Variants in EDEM3 observed in about 807,000 individuals in gnomAD.
The protein encoded by EDEM3 is ER degradation-enhancing alpha-mannosidase-like protein 3.
Under a neutral mutation model 110.2 loss-of-function variants are expected in EDEM3, and 60 were observed. That is an observed-to-expected ratio of 0.54 (90% CI 0.44 to 0.67). EDEM3 has a LOEUF of 0.67. Ranked by LOEUF, EDEM3 falls within the 30% of genes least tolerant of loss-of-function variation. The pLI, the probability that EDEM3 is intolerant of heterozygous loss-of-function variation, is 0.00. For missense variants in EDEM3, 996 were observed against 1,121.0 expected (o/e 0.89, Z 1.59); for synonymous variants, 352 against 382.9 (o/e 0.92, Z 0.94).
intron 2 of EDEM3, among the ~76,000 whole-genome samples, chr1:184,738,343 G>A (rs1388327634): frequency 3.3e-5 from 5 of 152,176 alleles, no homozygotes; most frequent in Non-Finnish European, 7.4e-5. Flanking sequence ...CACACATCTA[G>A]TAAATGATCC....
chr1:184,754,500 T>A lies in EDEM3; in HGVS notation c.147A>T (p.Lys49Asn). The change falls in exon 1 of 20, where the codon AAA (lysine) becomes AAT (asparagine). Residue 49 changes from lysine to asparagine, a missense_variant. This residue lies in a region of EDEM3 where 200 missense variants were observed against 183.8 expected (regional missense o/e 1.09). Transcript: ENST00000318130. ...AGAEPMSREEKQKLGNQVLEM... is the reference protein window; with the variant it reads ...AGAEPMSREENQKLGNQVLEM... ...GCCAGCACCCTTACCCAAGCTTCTG[T>A]TTCTCCTCCCTACTCATGGGCTCGG... The A allele has an allele frequency of 2.5e-6, 4 of 1,612,466 alleles. No individual in the cohort carries two copies. Among genetic ancestry groups the A allele is most frequent in the Non-Finnish European group, 3.4e-6 (4 of 1,179,610 alleles).
intron 18 of EDEM3, among the ~76,000 whole-genome samples, chr1:184,704,393 G>A (rs1243591549): frequency 1.3e-5 from 2 of 151,930 alleles, no homozygotes; most frequent in Non-Finnish European, 2.9e-5. Context: ...GGTGGCTCAT[G>A]GCTGTAATCC....
chr1:184,735,297 G>T (rs1409309460), intron 4 of EDEM3, among the ~76,000 whole-genome samples: 1 of 152,166 alleles, frequency 6.6e-6, no homozygotes, highest in Non-Finnish European at 1.5e-5. Context: ...ATAAGATAAT[G>T]TATGTAAAAT....
chr1:184,704,649 CAA>C (rs58913815), intron 18 of EDEM3, among the ~76,000 whole-genome samples: 166 of 29,876 alleles, frequency 5.6e-3, no homozygotes, highest in African/African-American at 0.016. Context: ...GACTCTGTCT[CAA>C]AAAAAAAAAA....
In EDEM3 at chr1:184,692,806, G is replaced by GGT. The variant is rs1649122390; in HGVS notation, c.*1255_*1256dup. On this transcript the variant is annotated 3_prime_UTR_variant, in exon 20 of 20. Coordinates refer to ENST00000318130, the MANE Select transcript of EDEM3 (RefSeq NM_025191.4). Reference sequence around the variant, plus strand: ...ACAAACCAAAAAAAAAAAGGGGGGGGGTGGAAGTCTCATTAAGCTATATAG... The same window carrying GGT: ...ACAAACCAAAAAAAAAAAGGGGGGGGGTGTGGAAGTCTCATTAAGCTATATAG... 3 of 147,490 alleles carry GGT rather than the reference G, an allele frequency of 2.0e-5. No individual in the cohort carries two copies. Among genetic ancestry groups the GGT allele is most frequent in the African/African-American group, 7.4e-5 (3 of 40,544 alleles). The allele number at this position is 147,490 out of a possible 1,614,324, so 9.1% of individuals were successfully genotyped here.
At chr1:184,721,687 G>A (rs975456320) in intron 8 of EDEM3, among the ~76,000 whole-genome samples, 5 of 151,840 alleles carry the variant, frequency 3.3e-5, no homozygotes, top group African/African-American at 1.2e-4. Context: ...TAAAGATGAA[G>A]TCTCTTGTTT....
At chr1:184,735,690 C>T (rs917000432) in intron 4 of EDEM3, among the ~76,000 whole-genome samples, 2 of 152,040 alleles carry the variant, frequency 1.3e-5, no homozygotes, top group Non-Finnish European at 2.9e-5. Context: ...TAACATGAAA[C>T]CTGATTTTAA....
Position 184,694,390 on chromosome 1 carries a change from A to G in EDEM3, c.2472T>C (p.Ser824=). 6.2e-7 allele frequency: 1 copy of G among 1,612,402 alleles called. No individual in the cohort carries two copies. Among genetic ancestry groups the G allele is most frequent in the South Asian group, 1.1e-5 (1 of 91,040 alleles). ...NQSGEQISSS[S]QEVDLVDQES... ...CTTGATCAACCAAATCAACCTCCTG[A>G]GAACTTGATGAAATCTGTTCACCAC... is the stretch of plus-strand genomic sequence containing the variant. The change falls in exon 20 of 20, where the codon TCT becomes TCC. Residue 824 remains serine (S), a synonymous_variant. Transcript: ENST00000318130.
At chr1:184,712,190 T>A (rs1327100423) in intron 14 of EDEM3, among the ~76,000 whole-genome samples, 1 of 151,956 alleles carries the variant, frequency 6.6e-6, no homozygotes, top group African/African-American at 2.4e-5. Context: ...CCTCCCAGAG[T>A]GCTGGGACTA....
chr1:184,716,778 G>T, intron 13 of EDEM3, 110 bp downstream of exon 13: 1 of 1,441,966 alleles, frequency 6.9e-7, no homozygotes, highest in African/African-American at 1.4e-5. Context: ...AGGAACAAAG[G>T]TTTCTATCCT....
At chr1:184,712,005 T>G (rs894121522) in intron 14 of EDEM3, 128 bp from the exon 15 acceptor site, 2 of 666,572 alleles carry the variant, frequency 3.0e-6, no homozygotes, top group Non-Finnish European at 4.7e-6. Flanking sequence ...CTGCTCACTG[T>G]AAGCTCCATC....
At chr1:184,710,643 C>T in intron 15 of EDEM3, 96 bp from the exon 16 acceptor site, 2 of 1,425,944 alleles carry the variant, frequency 1.4e-6, no homozygotes, top group Admixed American at 2.4e-5. Flanking sequence ...TGCAAAATTG[C>T]TAGTTTTAGA....
At chr1:184,721,223 G>A (rs1650883042) in intron 9 of EDEM3, 66 bp downstream of exon 9, 2 of 1,200,866 alleles carry the variant, frequency 1.7e-6, no homozygotes, top group Admixed American at 4.4e-5. Context: ...TTCAGGTAAT[G>A]GAGTTTCTAT....
rs534407860 is a variant in EDEM3, at chr1:184,734,633, T to C, written c.356A>G (p.Lys119Arg). ...CACTGCATCTTCAAATTCTTTAGTT[T>C]TATTTAAAACCTGGGAGAAGAAAAT... The part of the protein sequence containing the change: ...DSLDTLVVLN[K>R]TKEFEDAVRK... The change falls in exon 5 of 20, where the codon AAA becomes AGA. Residue 119 changes from lysine (K) to arginine (R), a missense_variant. Coordinates refer to ENST00000318130, the MANE Select transcript of EDEM3 (RefSeq NM_025191.4). 3 of 1,429,694 alleles carry C rather than the reference T, an allele frequency of 2.1e-6. No homozygotes were observed. The African/African-American group carries it at 4.3e-5, about 20-fold the overall frequency. The allele number at this position is 1,429,694 out of a possible 1,614,324, so 88.6% of individuals were successfully genotyped here. A position where few individuals can be genotyped will look rare whatever the true frequency, so the allele number is the denominator to read the frequency against.
Position 184,694,044 on chromosome 1 carries a change from C to A in EDEM3, c.*19G>T. On this transcript the variant is annotated 3_prime_UTR_variant, in exon 20 of 20. Coordinates refer to ENST00000318130, the MANE Select transcript of EDEM3 (RefSeq NM_025191.4). Reference sequence around the variant, plus strand: ...TTACCTTTTCTTTTTAAATACCTACCAACAGATTGTTTAGCAAGTCATAGC... The same window carrying A: ...TTACCTTTTCTTTTTAAATACCTACAAACAGATTGTTTAGCAAGTCATAGC... 6.2e-7 allele frequency: 1 copy of A among 1,600,858 alleles called. No homozygotes were observed. The highest frequency in any genetic ancestry group is 8.5e-7 in the Non-Finnish European group (1 of 1,173,430).
At position 184,721,312 on chromosome 1, in the gene EDEM3, T is replaced by G. The variant is rs747792603; in HGVS notation, c.928A>C (p.Ser310Arg). ...LKAYVLLGDD[S>R]FLERFNTHYD... ...ACTGTGTTAAATCTTTCCAGAAAAC[T>G]GTCATCTCCAAGCAAGACATAGGCT... Residue 310 changes from serine to arginine, a missense_variant, in exon 9 of 20, where the codon AGT (serine) becomes CGT (arginine). Coordinates refer to ENST00000318130, the MANE Select transcript of EDEM3 (RefSeq NM_025191.4). 5.0e-6 allele frequency: 8 copies of G among 1,602,794 alleles called. No individual in the cohort carries two copies. The Admixed American group carries it at 1.4e-4, about 28-fold the overall frequency.
At chr1:184,697,104 T>C (rs1649371942) in intron 19 of EDEM3, among the ~76,000 whole-genome samples, 1 of 151,838 alleles carries the variant, frequency 6.6e-6, no homozygotes, top group African/African-American at 2.4e-5. Flanking sequence ...GTAGTAACAA[T>C]AAATAGTTAA....
At chr1:184,725,672 G>C (rs1467542704) in intron 7 of EDEM3, among the ~76,000 whole-genome samples, 2 of 151,640 alleles carry the variant, frequency 1.3e-5, no homozygotes, top group Non-Finnish European at 2.9e-5. Context: ...GCTTGAAAAA[G>C]AGGGTGCTTT....
intron 11 of EDEM3, 65 bp downstream of exon 11, chr1:184,719,097 T>C (rs1650721617): frequency 1.1e-6 from 1 of 890,568 alleles, no homozygotes. Flanking sequence ...ATAGTGTATA[T>C]GTGTACGTGT....
Sources: gnomAD v4.1 joint callset for allele counts (sites outside exome capture counted in the v4.1 genomes callset) on GRCh38, gnomAD v4.1.1 for gene constraint, gnomAD v4.1.1 regional missense constraint, MANE v1.5 for transcripts, NCBI Gene and HGNC (gene_info 2026-07-23, HGNC 2026-07-21) for gene names.